Variants in SLC24A3 observed in about 807,000 individuals in gnomAD.
SLC24A3 encodes the protein sodium/potassium/calcium exchanger 3.
Under a neutral mutation model 75.8 loss-of-function variants are expected in SLC24A3, and 28 were observed. The ratio of observed to expected loss-of-function variants is 0.37; its 90% CI spans 0.27 to 0.51. SLC24A3 has a LOEUF of 0.51. Among genes scored for constraint, SLC24A3 ranks in the 20% least tolerant of loss-of-function variants. The pLI, the probability that SLC24A3 is intolerant of heterozygous loss-of-function variation, is 0.94. For missense variants in SLC24A3, 663 were observed against 847.8 expected (o/e 0.78, Z 2.71); for synonymous variants, 372 against 334.1 (o/e 1.11, Z -1.24).
intron 12 of SLC24A3, among the ~76,000 whole-genome samples, chr20:19,688,632 C>T (rs979902938): frequency 6.6e-6 from 1 of 152,190 alleles, no homozygotes; most frequent in Non-Finnish European, 1.5e-5. Context: ...GAAAAAGATC[C>T]GTCCACATGA....
At chr20:19,669,963 G>T (rs79069910) in intron 8 of SLC24A3, among the ~76,000 whole-genome samples, 3,617 of 152,198 alleles carry the variant, frequency 0.024, 56 homozygotes, top group South Asian at 0.067. Context: ...CGGGTGAGGT[G>T]TGCTCAGGAG....
intron 6 of SLC24A3, among the ~76,000 whole-genome samples, chr20:19,589,202 G>A (rs1041645500): frequency 6.6e-6 from 1 of 152,258 alleles, no homozygotes; most frequent in Non-Finnish European, 1.5e-5. Flanking sequence ...GCAAGGAAGA[G>A]AAAGCAGTGG....
intron 9 of SLC24A3, among the ~76,000 whole-genome samples, chr20:19,677,775 A>T (rs1361594420): frequency 2.1e-5 from 3 of 145,046 alleles, no homozygotes; most frequent in Non-Finnish European, 4.5e-5. Context: ...GCAGGGTCGT[A>T]GGACAATAGT....
chr20:19,488,722 G>A (rs1192667975), intron 2 of SLC24A3, among the ~76,000 whole-genome samples: 2 of 152,126 alleles, frequency 1.3e-5, no homozygotes, highest in African/African-American at 2.4e-5. Flanking sequence ...TTGCATATAC[G>A]TAATGAGATA....
chr20:19,668,186 G>A lies in SLC24A3; in HGVS notation c.713+2297G>A, dbSNP rs138437979. On this transcript the variant is annotated intron_variant, in intron 8 of 16. Transcript: ENST00000328041. ...TGGGCTGATGAAGAGCATTTTGCAC[G>A]TGAGTGAGGCTGAGAAATTAAAGTC... Among the ~76,000 whole-genome samples, 570 of 152,306 alleles carry A rather than the reference G, an allele frequency of 3.7e-3. 5 individuals are homozygous for A. The highest frequency in any genetic ancestry group is 0.013 in the African/African-American group (523 of 41,582).
intron 2 of SLC24A3, among the ~76,000 whole-genome samples, chr20:19,324,585 G>C (rs1984794002): frequency 6.6e-6 from 1 of 152,156 alleles, no homozygotes; most frequent in Admixed American, 6.5e-5. Flanking sequence ...GCTTCTCACT[G>C]CTTCTTCTGA....
chr20:19,407,481 A>C (rs1381179633), intron 2 of SLC24A3, among the ~76,000 whole-genome samples: 1 of 152,238 alleles, frequency 6.6e-6, no homozygotes, highest in African/African-American at 2.4e-5. Flanking sequence ...TGTCGGACAC[A>C]GAGGAGGGAA....
Position 19,244,500 on chromosome 20 carries a change from C to T in SLC24A3, c.142+31516C>T, listed in dbSNP as rs368813748. On this transcript the variant is annotated intron_variant, in intron 1 of 16. Transcript: ENST00000328041. ...GAATTTACCAGGCAAAGTCCCAGCGCTGGGCAAGTCTATGGGGTGGTTGGA... is the reference window on the plus strand; with the variant it reads ...GAATTTACCAGGCAAAGTCCCAGCGTTGGGCAAGTCTATGGGGTGGTTGGA... Among the ~76,000 whole-genome samples the T allele has an allele frequency of 3.4e-3, 514 of 152,186 alleles. 9 individuals carry two copies. The South Asian group carries it at 0.059, about 17-fold the overall frequency.
In SLC24A3 at chr20:19,330,316, G is replaced by C. The variant is rs538498685; in HGVS notation, c.271+49229G>C. On this transcript the variant is annotated intron_variant, in intron 2 of 16. Coordinates refer to ENST00000328041, the MANE Select transcript of SLC24A3 (RefSeq NM_020689.4). ...TGGTCAGGGACAGTGAAGAGCTGTG[G>C]CTGAGCCAATTAAATGGCCCCCAGC... 9.9e-5 allele frequency among the ~76,000 whole-genome samples: 15 copies of C among 152,280 alleles called. No homozygotes were observed. The South Asian group carries it at 3.1e-3, about 32-fold the overall frequency.
chr20:19,473,717 A>G (rs75907131), intron 2 of SLC24A3, among the ~76,000 whole-genome samples: 4,623 of 152,262 alleles, frequency 0.03, 101 homozygotes, highest in Non-Finnish European at 0.046. Context: ...CTCAGGGACA[A>G]TGCTGTCCAC....
chr20:19,542,376 G>C (rs1312252836), intron 3 of SLC24A3, among the ~76,000 whole-genome samples: 1 of 152,186 alleles, frequency 6.6e-6, no homozygotes, highest in Non-Finnish European at 1.5e-5. Flanking sequence ...GCAAACCTCA[G>C]GGCAGGGCTG....
intron 2 of SLC24A3, among the ~76,000 whole-genome samples, chr20:19,329,793 G>A (rs966072904): frequency 6.6e-6 from 1 of 152,182 alleles, no homozygotes; most frequent in African/African-American, 2.4e-5. Context: ...TTGATTCCAA[G>A]TTTGCTGTTT....
chr20:19,213,123 GC>G, intron 1 of SLC24A3, 139 bp downstream of exon 1: 1 of 982,438 alleles, frequency 1.0e-6, no homozygotes, highest in South Asian at 5.1e-5. Flanking sequence ...GGAGTGGGAT[GC>G]CAGGCACGAG....
chr20:19,666,360 G>A (rs1328244828), intron 8 of SLC24A3, among the ~76,000 whole-genome samples: 1 of 151,928 alleles, frequency 6.6e-6, no homozygotes, highest in Non-Finnish European at 1.5e-5. Context: ...CAAAAAATTA[G>A]CCGGGCATGG....
intron 7 of SLC24A3, among the ~76,000 whole-genome samples, chr20:19,659,767 C>T (rs2032305901): frequency 6.6e-6 from 1 of 152,066 alleles, no homozygotes; most frequent in African/African-American, 2.4e-5. Flanking sequence ...TTGGACTTTC[C>T]CTCCAATAAA....
At chr20:19,654,279 C>A in intron 7 of SLC24A3, 143 bp downstream of exon 7, 1 of 707,038 alleles carries the variant, frequency 1.4e-6, no homozygotes, top group East Asian at 2.6e-5. Context: ...AGATTTATTT[C>A]TTTCAGCTAC....
intron 2 of SLC24A3, among the ~76,000 whole-genome samples, chr20:19,471,531 T>C (rs1488369422): frequency 6.6e-6 from 1 of 152,160 alleles, no homozygotes; most frequent in African/African-American, 2.4e-5. Context: ...ATAAAATGGC[T>C]GGGTGGGAGA....
intron 5 of SLC24A3, 63 bp from the exon 6 acceptor site, chr20:19,585,378 C>A: frequency 6.7e-7 from 1 of 1,490,576 alleles, no homozygotes; most frequent in Non-Finnish European, 9.3e-7. Flanking sequence ...AAAGGTTCCC[C>A]ATGCCCACCT....
Position 19,698,562 on chromosome 20 carries a change from C to A in SLC24A3, c.1607-6C>A. ...CCCTCTCTTAAGTGACCTCTTGTCC[C>A]TGCAGGGATGGGGGACATGGCTGTG... is the stretch of plus-strand genomic sequence containing the variant. On this transcript the variant is annotated splice_polypyrimidine_tract_variant and splice_region_variant and intron_variant, in intron 14 of 16. Transcript: ENST00000328041. The A allele has an allele frequency of 6.4e-7, 1 of 1,571,344 alleles. No homozygotes were observed. Among genetic ancestry groups the A allele is most frequent in the Non-Finnish European group, 8.7e-7 (1 of 1,155,982 alleles).
Sources: gnomAD v4.1 joint callset for allele counts (sites outside exome capture counted in the v4.1 genomes callset) on GRCh38, gnomAD v4.1.1 for gene constraint, MANE v1.5 for transcripts, NCBI Gene and HGNC (gene_info 2026-07-23, HGNC 2026-07-21) for gene names.